The following OSBPL9 variants were observed in gnomAD, a reference collection of about 807,000 sequenced individuals.
OSBPL9 encodes oxysterol binding protein like 9, also known as oxysterol-binding protein-related protein 9.
A neutral mutation model predicts 106.6 loss-of-function variants in OSBPL9; 40 were observed. The observed-to-expected ratio is 0.38, with a 90% CI of 0.29 to 0.49. OSBPL9 has a LOEUF of 0.49. Ranked by LOEUF, OSBPL9 falls within the 20% of genes least tolerant of loss-of-function variation. OSBPL9 has a pLI of 0.97. For synonymous variants in OSBPL9, 269 were observed against 295.4 expected (o/e 0.91, Z 0.92); for missense variants, 609 against 887.2 (o/e 0.69, Z 3.98).
intron 1 of OSBPL9, among the ~76,000 whole-genome samples, chr1:51,635,338 T>G (rs1265532782): frequency 2.0e-5 from 3 of 151,988 alleles, no homozygotes; most frequent in African/African-American, 7.3e-5. Context: ...TCCTGTGAGG[T>G]AATCTTCCTA....
chr1:51,616,995 C>T (rs1644076328), upstream of OSBPL9: 23 of 1,496,510 alleles, frequency 1.5e-5, no homozygotes, highest in Non-Finnish European at 2.0e-5. Context: ...CATCTGCCGG[C>T]ACCGCCCAGG....
intron 1 of OSBPL9, among the ~76,000 whole-genome samples, chr1:51,624,122 G>A (rs1160146920): frequency 6.6e-6 from 1 of 151,806 alleles, no homozygotes; most frequent in Non-Finnish European, 1.5e-5. Context: ...TCACCATGTT[G>A]ACCAGGCTGA....
At chr1:51,568,747 C>T in the OSBPL9 span, among the ~76,000 whole-genome samples, 2 of 151,918 alleles carry the variant, frequency 1.3e-5, no homozygotes, top group African/African-American at 2.4e-5. Context: ...TTCTTTTTCT[C>T]GAGACGGAGT....
At chr1:51,749,772 C>CG (rs1553182258) in intron 7 of OSBPL9, among the ~76,000 whole-genome samples, 1 of 151,174 alleles carries the variant, frequency 6.6e-6, no homozygotes, top group African/African-American at 2.4e-5. Flanking sequence ...GAGGCTGAGA[C>CG]GGGGATCGCT....
At chr1:51,583,698 G>T (rs914218398) in intron 1 of OSBPL9, 2 of 152,184 alleles carry the variant, frequency 1.3e-5, no homozygotes, top group Admixed American at 6.5e-5. Context: ...TCACTTATCA[G>T]TCGGGGGCCT....
intron 2 of OSBPL9, among the ~76,000 whole-genome samples, chr1:51,599,859 C>T (rs1302687348): frequency 2.0e-5 from 3 of 152,146 alleles, no homozygotes; most frequent in East Asian, 1.9e-4. Flanking sequence ...GAGGCTGGGA[C>T]GTCCAAGATC....
Position 51,765,831 on chromosome 1 carries a change from A to T in OSBPL9, c.788A>T (p.His263Leu). The part of the protein sequence containing the change: ...TPTPNSTGSG[H>L]SPPSSSLTSP... ...CCTTTTAACTTCCTAGGCAGTGGCC[A>T]TTCACCACCGAGTAGCAGTCTCACT... The change falls in exon 12 of 24, where the codon CAT (histidine) becomes CTT (leucine). Residue 263 changes from histidine to leucine, a missense_variant. By Grantham distance (99) the His-to-Leu change is moderately conservative (BLOSUM62 -3). Around this residue, in one of 5 missense-constraint regions of OSBPL9, gnomAD observed 356 missense variants for 505.8 expected, o/e 0.70. Transcript: ENST00000428468. 2 of 1,612,490 alleles carry T rather than the reference A, an allele frequency of 1.2e-6. No homozygotes were observed. Among genetic ancestry groups the T allele is most frequent in the South Asian group, 1.1e-5 (1 of 90,756 alleles).
chr1:51,782,588 G>A lies in OSBPL9; in HGVS notation c.1458G>A (p.Trp486Ter). 6.2e-7 allele frequency: 1 copy of A among 1,613,908 alleles called. No homozygotes were observed. Among genetic ancestry groups the A allele is most frequent in the Non-Finnish European group, 8.5e-7 (1 of 1,179,902 alleles). Residue 486 changes from tryptophan to a stop codon, truncating the protein, a stop_gained, in exon 17 of 24, where the codon TGG (tryptophan) becomes TGA (stop). Coordinates refer to ENST00000428468, the MANE Select transcript of OSBPL9 (RefSeq NM_024586.6). LOFTEE classifies it high-confidence loss of function. The stretch of plus-strand genomic sequence containing the variant: ...TAGTTTCAGAAGGACCAGTTCCCTG[G>A]GTTTCCAAAAACAGTGTAACATTTG... Reference protein sequence around the residue: ...TELVSEGPVPWVSKNSVTFVA... With the variant: ...TELVSEGPVP
chr1:51,553,053 T>C, the OSBPL9 span, among the ~76,000 whole-genome samples: 1 of 152,284 alleles, frequency 6.6e-6, no homozygotes, highest in East Asian at 1.9e-4. Flanking sequence ...TAATCAAGTA[T>C]TGGCCACAAA....
intron 3 of OSBPL9, chr1:51,709,738 C>T (rs1232418906): frequency 6.6e-6 from 1 of 152,658 alleles, no homozygotes; most frequent in Non-Finnish European, 1.5e-5. Context: ...CCCATGTGGC[C>T]TCCTACCTAC....
chr1:51,729,822 G>A lies in OSBPL9; in HGVS notation c.319-15714G>A, dbSNP rs924359866. ...GGGAAAGGGGTGGGGGGTGAAGGGG[G>A]TGAAGGGGGTGTCCCGGGGGACGGG... is the stretch of plus-strand genomic sequence containing the variant. On this transcript the variant is annotated intron_variant, in intron 4 of 23. Transcript: ENST00000428468. The surrounding 1 kb of genome is among the most constrained non-coding windows in gnomAD (Gnocchi z 5.1). 1.0e-5 allele frequency: 13 copies of A among 1,243,824 alleles called. No individual in the cohort carries two copies. Among genetic ancestry groups the A allele is most frequent in the Non-Finnish European group, 1.3e-5 (13 of 987,180 alleles). The allele number at this position is 1,243,824 out of a possible 1,614,324, so 77.0% of individuals were successfully genotyped here. A position where few individuals can be genotyped will look rare whatever the true frequency, so the allele number is the denominator to read the frequency against.
At chr1:51,570,207 C>G in the OSBPL9 span, among the ~76,000 whole-genome samples, 1 of 152,186 alleles carries the variant, frequency 6.6e-6, no homozygotes, top group East Asian at 1.9e-4. Flanking sequence ...TCTACCATAG[C>G]CTCGTAGATC....
rs528736295 is a variant in OSBPL9, at chr1:51,671,920, A to G, written c.241+2408A>G. 1.6e-4 allele frequency among the ~76,000 whole-genome samples: 25 copies of G among 152,232 alleles called. No homozygotes were observed. In the South Asian group the frequency reaches 5.0e-3, roughly 30 times the overall value. On this transcript the variant is annotated intron_variant, in intron 3 of 23. Coordinates refer to ENST00000428468, the MANE Select transcript of OSBPL9 (RefSeq NM_024586.6). ...CCCTGCCTTCCTCCCCAACACAGTC[A>G]TATACTTTGTTTTGTTTTTCTTTTT...
At chr1:51,583,610 C>G (rs1173515083) in intron 1 of OSBPL9, 2 of 152,254 alleles carry the variant, frequency 1.3e-5, no homozygotes, top group Non-Finnish European at 2.9e-5. Context: ...CAGGCCTATT[C>G]GGTTCGGGCA....
At chr1:51,616,493 C>T (rs991922706), upstream of OSBPL9, among the ~76,000 whole-genome samples, 1 of 152,176 alleles carries the variant, frequency 6.6e-6, no homozygotes, top group Non-Finnish European at 1.5e-5. Context: ...CTCCCTCCTT[C>T]GCTTTCTTCA....
At chr1:51,725,696 A>G (rs1009412728) in intron 4 of OSBPL9, among the ~76,000 whole-genome samples, 1 of 152,152 alleles carries the variant, frequency 6.6e-6, no homozygotes, top group African/African-American at 2.4e-5. Context: ...TATATATTAA[A>G]TACTTTCTCC....
intron 3 of OSBPL9, among the ~76,000 whole-genome samples, chr1:51,683,512 G>A (rs1024777368): frequency 1.3e-5 from 2 of 151,790 alleles, no homozygotes; most frequent in African/African-American, 4.8e-5. Context: ...GGAAATCTTC[G>A]CTGGGCTTGG....
intron 2 of OSBPL9, among the ~76,000 whole-genome samples, chr1:51,600,130 A>G (rs1487785644): frequency 2.0e-5 from 3 of 152,250 alleles, no homozygotes; most frequent in Non-Finnish European, 2.9e-5. Flanking sequence ...AAGTTCCAAC[A>G]TATGAATTTT....
At chr1:51,609,604 A>G (rs756638161) in intron 2 of OSBPL9, among the ~76,000 whole-genome samples, 3 of 150,054 alleles carry the variant, frequency 2.0e-5, no homozygotes, top group South Asian at 2.1e-4. Flanking sequence ...TCATGCCTCA[A>G]CCTCCCAAAG....
Sources: allele counts gnomAD v4.1 joint callset (sites outside exome capture counted in the v4.1 genomes callset), GRCh38; gene constraint gnomAD v4.1.1; regional missense constraint gnomAD v4.1.1; non-coding constraint Gnocchi (gnomAD v3.1); transcripts MANE v1.5; gene names NCBI Gene and HGNC (gene_info 2026-07-23, HGNC 2026-07-21).